Variants in APLP2 observed in about 807,000 individuals in gnomAD.
APLP2 encodes CDEI box-binding protein.
A neutral mutation model predicts 89.9 loss-of-function variants in APLP2; 53 were observed. The ratio of observed to expected loss-of-function variants is 0.59; its 90% confidence interval spans 0.47 to 0.74. APLP2 has a LOEUF of 0.74. Among genes scored for constraint, APLP2 ranks in the 30% least tolerant of loss-of-function variants. The pLI is 0.00. For synonymous variants in APLP2, 372 were observed against 348.6 expected (o/e 1.07, Z -0.75); for missense variants, 973 against 975.9 (o/e 1.00, Z 0.04).
Position 130,070,013 on chromosome 11 carries a change from G to A in APLP2, c.36G>A (p.Thr12=), listed in dbSNP as rs778369879. The change falls in exon 1 of 17, where the codon ACG becomes ACA. Residue 12 remains threonine (T), a synonymous_variant. Transcript: ENST00000338167. ...CCGGGACCGCGGCCGCCGCAGCCAC[G>A]GGCAGGCTCCTGCTTCTGCTGCTGG... The part of the protein sequence containing the change: ...AATGTAAAAA[T]GRLLLLLLVG... The A allele has an allele frequency of 2.5e-5, 38 of 1,508,642 alleles. No homozygotes were observed. Among genetic ancestry groups the A allele is most frequent in the Non-Finnish European group, 3.3e-5 (38 of 1,134,612 alleles). The allele number at this position is 1,508,642 out of a possible 1,614,324, so 93.5% of individuals were successfully genotyped here.
intron 14 of APLP2, 25 bp downstream of exon 14, chr11:130,140,508 A>T: frequency 3.2e-6 from 5 of 1,574,638 alleles, no homozygotes; most frequent in Non-Finnish European, 4.3e-6. Context: ...TCTTCTGCCC[A>T]ACACGCTTTA....
intron 1 of APLP2, among the ~76,000 whole-genome samples, chr11:130,091,187 T>TC (rs1945030275): frequency 8.3e-6 from 1 of 120,936 alleles, no homozygotes; most frequent in East Asian, 2.8e-4. Context: ...GCCCCTCACC[T>TC]CCCGGACGGG....
intron 1 of APLP2, among the ~76,000 whole-genome samples, chr11:130,098,133 G>T (rs11827581): frequency 4.6e-5 from 7 of 152,266 alleles, no homozygotes; most frequent in African/African-American, 9.6e-5. Context: ...TTGGCCGGGC[G>T]CGGTGGCTCA....
chr11:130,112,738 A>T (rs1292273238), intron 3 of APLP2, among the ~76,000 whole-genome samples: 1 of 152,124 alleles, frequency 6.6e-6, no homozygotes, highest in African/African-American at 2.4e-5. Flanking sequence ...CAGATTGAAA[A>T]TGAAGACCAA....
intron 3 of APLP2, 28 bp from the exon 4 acceptor site, chr11:130,120,678 C>A: frequency 1.9e-6 from 3 of 1,540,290 alleles, no homozygotes; most frequent in Non-Finnish European, 2.7e-6. Context: ...ATGGTCAGAT[C>A]CGCTCTGACA....
At chr11:130,072,155 C>T (rs1020994998) in intron 1 of APLP2, among the ~76,000 whole-genome samples, 10 of 152,232 alleles carry the variant, frequency 6.6e-5, no homozygotes, top group African/African-American at 2.4e-4. Flanking sequence ...CTCAGGGTCA[C>T]TTCCTCTCTT....
In APLP2 at chr11:130,141,734, C is replaced by T; in HGVS notation, c.1998+162C>T. The stretch of plus-strand genomic sequence containing the variant: ...TGGATAAGAAAGCTAAAATTAAAAT[C>T]TCCATGGAGATTGGGAAGAGTGGGC... On this transcript the variant is annotated intron_variant, in intron 15 of 16. Transcript: ENST00000338167. The surrounding 1 kb of genome is among the most constrained non-coding windows in gnomAD (Gnocchi z 4.2). The T allele has an allele frequency of 3.3e-6, 3 of 923,038 alleles. No individual in the cohort carries two copies. Among genetic ancestry groups the T allele is most frequent in the East Asian group, 5.2e-5 (2 of 38,390 alleles). The allele number at this position is 923,038 out of a possible 1,614,324, so 57.2% of individuals were successfully genotyped here.
chr11:130,098,557 G>A (rs1260248217), intron 1 of APLP2, among the ~76,000 whole-genome samples: 2 of 152,228 alleles, frequency 1.3e-5, no homozygotes, highest in Non-Finnish European at 2.9e-5. Flanking sequence ...GTCAGTTACA[G>A]CATTTCAGCC....
intron 7 of APLP2, among the ~76,000 whole-genome samples, chr11:130,125,682 A>AGG (rs1197743701): frequency 6.6e-6 from 1 of 152,254 alleles, no homozygotes; most frequent in Non-Finnish European, 1.5e-5. Flanking sequence ...TCTAGAAATT[A>AGG]GGTGAATTTG....
At chr11:130,136,866 G>T (rs1591848735) in intron 13 of APLP2, among the ~76,000 whole-genome samples, 1 of 152,120 alleles carries the variant, frequency 6.6e-6, no homozygotes, top group African/African-American at 2.4e-5. Flanking sequence ...GCTTGTTGGG[G>T]GTCGGGGCAG....
At chr11:130,095,091 G>A (rs1438243674) in intron 1 of APLP2, among the ~76,000 whole-genome samples, 1 of 120,692 alleles carries the variant, frequency 8.3e-6, no homozygotes, top group East Asian at 2.6e-4. Flanking sequence ...TGTAATCACA[G>A]TACGCTTTTA....
chr11:130,090,889 G>T (rs1176119406), intron 1 of APLP2, among the ~76,000 whole-genome samples: 1 of 147,788 alleles, frequency 6.8e-6, no homozygotes, highest in Non-Finnish European at 1.5e-5. Context: ...GGCCGGGCGG[G>T]GGGGCTGACC....
chr11:130,080,518 A>G (rs1318994962), intron 1 of APLP2, among the ~76,000 whole-genome samples: 2 of 150,590 alleles, frequency 1.3e-5, no homozygotes, highest in East Asian at 4.0e-4. Flanking sequence ...CATTTTATTT[A>G]TACAGGTGCT....
At chr11:130,113,464 C>T (rs1457569718) in intron 3 of APLP2, among the ~76,000 whole-genome samples, 2 of 152,116 alleles carry the variant, frequency 1.3e-5, no homozygotes, top group East Asian at 1.9e-4. Context: ...TCATGTTTAC[C>T]CCAGCATCCA....
chr11:130,121,546 A>G, intron 4 of APLP2, 68 bp from the exon 5 acceptor site: 1 of 1,480,964 alleles, frequency 6.8e-7, no homozygotes, highest in East Asian at 2.3e-5. Context: ...TGGAGGGTAG[A>G]GATCGGAGTG....
At chr11:130,091,477 G>C (rs1478970022) in intron 1 of APLP2, among the ~76,000 whole-genome samples, 5 of 131,386 alleles carry the variant, frequency 3.8e-5, no homozygotes, top group African/African-American at 1.2e-4. Context: ...AGACGGGGCG[G>C]CTGGCCGGGC....
intron 3 of APLP2, among the ~76,000 whole-genome samples, chr11:130,119,605 G>A (rs1259067566): frequency 2.0e-5 from 3 of 152,158 alleles, no homozygotes; most frequent in Non-Finnish European, 4.4e-5. Context: ...AAACAGCTAT[G>A]TGTATCTTTC....
rs1021060703 is a variant in APLP2, at chr11:130,123,180, A to T, written c.923-432A>T. ...TTTGTGATTTGCCTTAGAGAACATAAAAGTGGGAAACAATTGTCCGTTCTA... is the reference window on the plus strand; with the variant it reads ...TTTGTGATTTGCCTTAGAGAACATATAAGTGGGAAACAATTGTCCGTTCTA... On this transcript the variant is annotated intron_variant, in intron 6 of 16. Transcript: ENST00000338167. This position sits in a 1 kb window ranked among gnomAD's most constrained non-coding sequence, Gnocchi z 4.0. 6.6e-6 allele frequency among the ~76,000 whole-genome samples: 1 copy of T among 152,156 alleles called. No homozygotes were observed. Among genetic ancestry groups the T allele is most frequent in the Non-Finnish European group, 1.5e-5 (1 of 68,032 alleles).
intron 1 of APLP2, among the ~76,000 whole-genome samples, chr11:130,103,520 GCA>G (rs1947221945): frequency 1.3e-5 from 2 of 152,112 alleles, no homozygotes; most frequent in Non-Finnish European, 2.9e-5. Context: ...GACCATCTCA[GCA>G]CAGAGCCGAA....
Sources: allele counts gnomAD v4.1 joint callset (sites outside exome capture counted in the v4.1 genomes callset), GRCh38; gene constraint gnomAD v4.1.1; non-coding constraint Gnocchi (gnomAD v3.1); transcripts MANE v1.5; gene names NCBI Gene and HGNC (gene_info 2026-07-23, HGNC 2026-07-21).